The following OXR1 variants were observed in gnomAD, a reference collection of about 807,000 sequenced individuals.
OXR1 encodes oxidation resistance 1.
Under a neutral mutation model 104.6 loss-of-function variants are expected in OXR1, and 41 were observed. That is an observed-to-expected ratio of 0.39 (90% CI 0.31 to 0.51). The LOEUF (loss-of-function observed/expected upper bound fraction) is 0.51, where lower values mean the gene tolerates loss of function less well. Ranked by LOEUF, OXR1 falls within the 20% of genes least tolerant of loss-of-function variation. The pLI is 0.77. For synonymous variants in OXR1, 348 were observed against 348.4 expected (o/e 1.00, Z 0.01); for missense variants, 955 against 1,031.9 (o/e 0.93, Z 1.02).
At chr8:106,691,013 G>T (rs942125841) in intron 6 of OXR1, among the ~76,000 whole-genome samples, 2 of 151,844 alleles carry the variant, frequency 1.3e-5, no homozygotes, top group Non-Finnish European at 1.5e-5. Flanking sequence ...GTTTGGAGTT[G>T]CTAATTCATT....
intron 2 of OXR1, chr8:106,447,938 T>C (rs1454185554): frequency 6.5e-7 from 1 of 1,534,312 alleles, no homozygotes; most frequent in Non-Finnish European, 8.7e-7. Context: ...AGACATCTAG[T>C]ACGGGGCTCA....
At chr8:106,724,343 C>A (rs1833128850) in intron 11 of OXR1, among the ~76,000 whole-genome samples, 1 of 152,072 alleles carries the variant, frequency 6.6e-6, no homozygotes, top group South Asian at 2.1e-4. Flanking sequence ...TCTTGGATAT[C>A]TAGGCAAATT....
At chr8:106,608,466 G>A (rs944820926) in intron 3 of OXR1, among the ~76,000 whole-genome samples, 2 of 152,132 alleles carry the variant, frequency 1.3e-5, no homozygotes, top group Admixed American at 1.3e-4. Context: ...AGACTGCTAT[G>A]TGTACTATTT....
At chr8:106,486,583 GCAGTATTT>G (rs1161685367) in intron 2 of OXR1, among the ~76,000 whole-genome samples, 1 of 151,818 alleles carries the variant, frequency 6.6e-6, no homozygotes, top group Non-Finnish European at 1.5e-5. Context: ...TGTCTTTTTT[GCAGTATTT>G]CAATTACATA....
chr8:106,551,244 G>A (rs888073423), intron 3 of OXR1, among the ~76,000 whole-genome samples: 16 of 152,098 alleles, frequency 1.1e-4, no homozygotes, highest in African/African-American at 2.9e-4. Context: ...ATTAAACATC[G>A]TATTCAACCA....
At chr8:106,620,004 G>A (rs998562570) in intron 3 of OXR1, among the ~76,000 whole-genome samples, 12 of 152,012 alleles carry the variant, frequency 7.9e-5, no homozygotes, top group Non-Finnish European at 1.3e-4. Context: ...ATCTACAAGT[G>A]GATCTGCTGT....
chr8:106,684,399 C>A lies in OXR1; in HGVS notation c.525+40C>A, dbSNP rs1477673197. The A allele has an allele frequency of 4.3e-6, 4 of 938,192 alleles. No individual in the cohort carries two copies. In the African/African-American group the frequency reaches 4.8e-5, roughly 11 times the overall value. The allele number at this position is 938,192 out of a possible 1,614,324, so 58.1% of individuals were successfully genotyped here. On this transcript the variant is annotated intron_variant, in intron 6 of 16. Coordinates refer to ENST00000517566, the MANE Select transcript of OXR1 (RefSeq NM_001198533.2). Reference sequence around the variant, plus strand: ...TTTGCAAAGATGGCGATGAAGAAATCTCACTTTGTCTACATTGACTGTCTT... The same window carrying A: ...TTTGCAAAGATGGCGATGAAGAAATATCACTTTGTCTACATTGACTGTCTT...
At chr8:106,610,996 T>G (rs1820772636) in intron 3 of OXR1, among the ~76,000 whole-genome samples, 1 of 152,204 alleles carries the variant, frequency 6.6e-6, no homozygotes, top group Non-Finnish European at 1.5e-5. Flanking sequence ...TTCCAGACAC[T>G]ATTTTGGGTG....
chr8:106,527,769 A>G (rs1813799971), intron 3 of OXR1, among the ~76,000 whole-genome samples: 1 of 152,256 alleles, frequency 6.6e-6, no homozygotes, highest in South Asian at 2.1e-4. Flanking sequence ...ACATTTTTAT[A>G]GAGTGAGTGG....
intron 2 of OXR1, among the ~76,000 whole-genome samples, chr8:106,389,106 C>T (rs1457588948): frequency 6.6e-6 from 1 of 152,134 alleles, no homozygotes; most frequent in African/African-American, 2.4e-5. Flanking sequence ...TTCCAAACCT[C>T]AAAAACTCCT....
intron 2 of OXR1, among the ~76,000 whole-genome samples, chr8:106,482,060 G>T (rs1390497932): frequency 6.6e-6 from 1 of 151,872 alleles, no homozygotes; most frequent in Non-Finnish European, 1.5e-5. Flanking sequence ...ACATTTATTG[G>T]GTGCCAAATC....
intron 1 of OXR1, among the ~76,000 whole-genome samples, chr8:106,333,749 T>C (rs1814835859): frequency 6.6e-6 from 1 of 152,146 alleles, no homozygotes; most frequent in Middle Eastern, 3.2e-3. Context: ...TTTGGCACTC[T>C]TGTTGAAATT....
intron 2 of OXR1, among the ~76,000 whole-genome samples, chr8:106,472,364 G>C (rs1042119748): frequency 6.6e-6 from 1 of 151,698 alleles, no homozygotes; most frequent in African/African-American, 2.4e-5. Flanking sequence ...AAATAAAAAG[G>C]TGACTCAGTA....
chr8:106,350,770 A>G (rs1229700630), intron 1 of OXR1, among the ~76,000 whole-genome samples: 1 of 152,232 alleles, frequency 6.6e-6, no homozygotes, highest in Non-Finnish European at 1.5e-5. Context: ...TTAATCATTC[A>G]ATTGTTCTAG....
chr8:106,475,358 T>C (rs951587704), intron 2 of OXR1, among the ~76,000 whole-genome samples: 6 of 151,924 alleles, frequency 3.9e-5, no homozygotes, highest in African/African-American at 1.4e-4. Context: ...ATTTATTAAG[T>C]GGAAGTGGAT....
At chr8:106,317,761 T>G (rs1456902462) in intron 1 of OXR1, among the ~76,000 whole-genome samples, 1 of 150,640 alleles carries the variant, frequency 6.6e-6, no homozygotes, top group Admixed American at 6.6e-5. Flanking sequence ...TCTCTCTCAT[T>G]CTCTCTCTAC....
intron 3 of OXR1, among the ~76,000 whole-genome samples, chr8:106,542,451 T>C (rs751777030): frequency 6.6e-5 from 10 of 152,156 alleles, no homozygotes; most frequent in Non-Finnish European, 1.5e-4. Flanking sequence ...GAAATTCTTA[T>C]TAAGAACTTA....
rs1339093944 is a variant in OXR1, at chr8:106,518,934, T to G, written c.24-9T>G. 1 of 1,541,930 alleles carries G rather than the reference T, an allele frequency of 6.5e-7. No homozygotes were observed. On this transcript the variant is annotated splice_polypyrimidine_tract_variant and intron_variant, in intron 2 of 16. Transcript: ENST00000517566. ...AGGATTCATAGCATGTGGTCTTCTT[T>G]ACTTGTAGGCTGAAGAAAAAGTCCC...
chr8:106,455,704 A>T (rs559867542), intron 2 of OXR1, among the ~76,000 whole-genome samples: 1 of 152,342 alleles, frequency 6.6e-6, no homozygotes, highest in African/African-American at 2.4e-5. Context: ...AAATGCAGTT[A>T]CCTGGGGTCA....
Sources: gnomAD v4.1 joint callset for allele counts (sites outside exome capture counted in the v4.1 genomes callset) on GRCh38, gnomAD v4.1.1 for gene constraint, MANE v1.5 for transcripts, NCBI Gene and HGNC (gene_info 2026-07-23, HGNC 2026-07-21) for gene names.